Variants in PRKG1 observed in about 807,000 individuals in gnomAD.
PRKG1 encodes protein kinase cGMP-dependent 1.
In PRKG1, 35 loss-of-function variants were observed where a neutral mutation model predicts 88.1. The ratio of observed to expected loss-of-function variants is 0.40; its 90% CI spans 0.30 to 0.53. PRKG1 has a LOEUF of 0.53. Among genes scored for constraint, PRKG1 ranks in the 20% least tolerant of loss-of-function variants. The pLI is 0.59. For synonymous variants in PRKG1, 303 were observed against 292.5 expected (o/e 1.04, Z -0.37); for missense variants, 540 against 839.8 (o/e 0.64, Z 4.41).
intron 3 of PRKG1, among the ~76,000 whole-genome samples, chr10:51,678,745 G>T (rs1380120271): frequency 6.6e-6 from 1 of 152,160 alleles, no homozygotes; most frequent in Non-Finnish European, 1.5e-5. Context: ...GGAGGCAGCT[G>T]GTTCAAGCTG....
chr10:51,986,884 T>C (rs1844172215), intron 5 of PRKG1, among the ~76,000 whole-genome samples: 1 of 152,174 alleles, frequency 6.6e-6, no homozygotes, highest in Non-Finnish European at 1.5e-5. Flanking sequence ...ATCTTGAGCA[T>C]ACACAACTTG....
intron 5 of PRKG1, among the ~76,000 whole-genome samples, chr10:52,044,262 C>T (rs540479054): frequency 1.1e-4 from 16 of 152,020 alleles, no homozygotes; most frequent in Non-Finnish European, 1.8e-4. Flanking sequence ...AAGTGATTGC[C>T]TTTTGTCATA....
chr10:51,304,471 ATTTTTATT>A (rs1840980175), intron 2 of PRKG1, among the ~76,000 whole-genome samples: 3 of 151,926 alleles, frequency 2.0e-5, no homozygotes, highest in African/African-American at 7.3e-5. Flanking sequence ...CACTTTATTT[ATTTTTATT>A]TTTTTATTTT....
chr10:51,400,224 G>T (rs1837699586), intron 2 of PRKG1, among the ~76,000 whole-genome samples: 1 of 151,898 alleles, frequency 6.6e-6, no homozygotes, highest in Non-Finnish European at 1.5e-5. Context: ...ATTTTTGTAG[G>T]GCAAATGAAT....
intron 3 of PRKG1, among the ~76,000 whole-genome samples, chr10:51,503,436 G>T (rs562125796): frequency 6.6e-6 from 1 of 152,120 alleles, no homozygotes; most frequent in Non-Finnish European, 1.5e-5. Flanking sequence ...GTAAAATGCT[G>T]GTTTGTTTGT....
At chr10:51,703,908 G>C (rs964176153) in intron 3 of PRKG1, among the ~76,000 whole-genome samples, 9 of 152,098 alleles carry the variant, frequency 5.9e-5, no homozygotes, top group Admixed American at 4.6e-4. Flanking sequence ...GAAGGCGGAG[G>C]TGGGTGGATC....
chr10:51,195,555 T>C (rs994323596), intron 2 of PRKG1, among the ~76,000 whole-genome samples: 1 of 152,172 alleles, frequency 6.6e-6, no homozygotes, highest in African/African-American at 2.4e-5. Context: ...TTCTTTTTAT[T>C]AGTCAATAAG....
At chr10:52,053,652 A>C (rs1288194365) in intron 5 of PRKG1, among the ~76,000 whole-genome samples, 1 of 152,198 alleles carries the variant, frequency 6.6e-6, no homozygotes, top group African/African-American at 2.4e-5. Context: ...TGTTCATTGC[A>C]GAAGTAATCT....
At chr10:52,286,890 C>T (rs1223220393) in intron 14 of PRKG1, among the ~76,000 whole-genome samples, 1 of 151,648 alleles carries the variant, frequency 6.6e-6, no homozygotes, top group African/African-American at 2.4e-5. Flanking sequence ...TAATATAATC[C>T]TGTGTGTCTA....
chr10:51,982,399 A>G (rs1325653541), intron 5 of PRKG1, among the ~76,000 whole-genome samples: 1 of 152,158 alleles, frequency 6.6e-6, no homozygotes, highest in Non-Finnish European at 1.5e-5. Flanking sequence ...AGGCTTTCTG[A>G]GTTGTCAGAG....
chr10:51,680,760 A>T lies in PRKG1; in HGVS notation c.593-123825A>T, dbSNP rs527617489. On this transcript the variant is annotated intron_variant, in intron 3 of 17. Transcript: ENST00000373980. Reference sequence around the variant, plus strand: ...GGTCTAGCCTTCTTCAGAACAAAGCATATGCTCAGAGGAACTGGGACAAAG... The same window carrying T: ...GGTCTAGCCTTCTTCAGAACAAAGCTTATGCTCAGAGGAACTGGGACAAAG... Among the ~76,000 whole-genome samples the T allele has an allele frequency of 9.8e-5, 15 of 152,358 alleles. No homozygotes were observed. In the South Asian group the frequency reaches 3.1e-3, roughly 32 times the overall value.
chr10:52,054,844 A>G (rs963618447), intron 6 of PRKG1, among the ~76,000 whole-genome samples: 3 of 152,168 alleles, frequency 2.0e-5, no homozygotes, highest in Admixed American at 6.6e-5. Flanking sequence ...AATATAATAA[A>G]AAAATACCGG....
At chr10:52,166,430 A>ATTTTT (rs71032627) in intron 9 of PRKG1, among the ~76,000 whole-genome samples, 5 of 105,672 alleles carry the variant, frequency 4.7e-5, no homozygotes, top group African/African-American at 9.5e-5. Flanking sequence ...TTTGAATATA[A>ATTTTT]TTTTTTTTTT....
At chr10:51,852,105 CTT>C (rs1491571490) in intron 4 of PRKG1, among the ~76,000 whole-genome samples, 12 of 149,166 alleles carry the variant, frequency 8.0e-5, no homozygotes, top group East Asian at 3.9e-4. Flanking sequence ...AAAACTTAGA[CTT>C]ATATATATAT....
intron 5 of PRKG1, among the ~76,000 whole-genome samples, chr10:51,940,842 G>A (rs750766629): frequency 6.6e-6 from 1 of 151,814 alleles, no homozygotes; most frequent in Non-Finnish European, 1.5e-5. Context: ...ACATCCTTTT[G>A]AGGGAAAATT....
intron 4 of PRKG1, among the ~76,000 whole-genome samples, chr10:51,855,013 A>G (rs1034814401): frequency 1.1e-4 from 17 of 152,206 alleles, no homozygotes; most frequent in African/African-American, 3.9e-4. Flanking sequence ...TGTTAAAACC[A>G]TTTTAAAGCA....
At chr10:51,241,366 C>T (rs956005034) in intron 2 of PRKG1, among the ~76,000 whole-genome samples, 2 of 151,484 alleles carry the variant, frequency 1.3e-5, no homozygotes, top group African/African-American at 4.8e-5. Context: ...AGGGAATCAT[C>T]GAATTATCAG....
intron 2 of PRKG1, among the ~76,000 whole-genome samples, chr10:51,447,645 T>A (rs1839314401): frequency 6.9e-6 from 1 of 144,906 alleles, no homozygotes; most frequent in East Asian, 1.9e-4. Context: ...TTCCTCTTCA[T>A]CTGCAGTTTC....
intron 4 of PRKG1, among the ~76,000 whole-genome samples, chr10:51,825,461 A>G (rs2132738840): frequency 6.6e-6 from 1 of 152,264 alleles, no homozygotes; most frequent in Non-Finnish European, 1.5e-5. Flanking sequence ...ATCAAGAAAA[A>G]ATTTAACATT....
Sources: allele counts gnomAD v4.1 joint callset (sites outside exome capture counted in the v4.1 genomes callset), GRCh38; gene constraint gnomAD v4.1.1; transcripts MANE v1.5; gene names NCBI Gene and HGNC (gene_info 2026-07-23, HGNC 2026-07-21).